The following FAS variants were observed in gnomAD, a reference collection of about 807,000 sequenced individuals.
The protein encoded by FAS is tumor necrosis factor receptor superfamily member 6.
Under a neutral mutation model 33.2 loss-of-function variants are expected in FAS, and 5 were observed. The observed-to-expected ratio is 0.15, with a 90% CI of 0.08 to 0.32. FAS has a LOEUF of 0.32. Ranked by LOEUF, FAS falls within the 10% of genes least tolerant of loss-of-function variation. The pLI is 1.00. For synonymous variants in FAS, 131 were observed against 130.7 expected, an observed-to-expected ratio of 1.00 and a Z score of -0.01; for missense variants, 339 against 386.0, an observed-to-expected ratio of 0.88 and a Z score of 1.02.
chr10:89,010,679 T>C (rs1564695172), intron 5 of FAS, 74 bp from the exon 6 acceptor site: 1 of 1,606,668 alleles, frequency 6.2e-7, no homozygotes, highest in Non-Finnish European at 8.5e-7. Flanking sequence ...TCACTCTTGA[T>C]TACTAGAAAG....
chr10:88,973,153 A>G, intron 1 of FAS: 1 of 1,586,498 alleles, frequency 6.3e-7, no homozygotes, highest in Non-Finnish European at 8.6e-7. Context: ...CAATCCTCTC[A>G]CCTTCCCTTT....
chr10:89,009,116 A>G, intron 4 of FAS, 119 bp downstream of exon 4: 2 of 954,554 alleles, frequency 2.1e-6, no homozygotes, highest in East Asian at 2.4e-5. Context: ...CTTTGCCTCC[A>G]AGCAACTAGA....
At chr10:88,980,539 G>C (rs1053027056) in intron 2 of FAS, among the ~76,000 whole-genome samples, 1 of 147,278 alleles carries the variant, frequency 6.8e-6, no homozygotes, top group Non-Finnish European at 1.5e-5. Context: ...TAGAGTCCAG[G>C]AAGGCAAGGA....
At chr10:89,004,640 G>A (rs888934749) in intron 2 of FAS, among the ~76,000 whole-genome samples, 3 of 151,614 alleles carry the variant, frequency 2.0e-5, no homozygotes, top group South Asian at 2.1e-4. Flanking sequence ...ATATGATGTA[G>A]GATTCCTTAG....
upstream of FAS, among the ~76,000 whole-genome samples, chr10:88,983,913 A>G (rs1012692489): frequency 6.6e-6 from 1 of 152,186 alleles, no homozygotes; most frequent in Non-Finnish European, 1.5e-5. Context: ...TAAAGGCCTC[A>G]ATTTCTCCCT....
chr10:88,999,717 T>C (rs574144083), intron 1 of FAS, among the ~76,000 whole-genome samples: 2 of 152,328 alleles, frequency 1.3e-5, no homozygotes, highest in South Asian at 4.1e-4. Context: ...ACATATCTGT[T>C]TATTCCTAGT....
chr10:89,015,215 T>C lies in FAS; in HGVS notation c.*765T>C, dbSNP rs9658776. 27,857 of 534,864 alleles carry C rather than the reference T, an allele frequency of 0.052. 1,316 individuals carry two copies. The highest frequency in any genetic ancestry group is 0.17 in the Admixed American group (7,741 of 45,060). 33.1% of individuals were successfully genotyped at this position (534,864 alleles called of 1,614,324 possible). A position where few individuals can be genotyped will look rare whatever the true frequency, so the allele number is the denominator to read the frequency against. The stretch of plus-strand genomic sequence containing the variant: ...GCTTTGCCACCTCTCCATTTTTGCC[T>C]TGGTGCTCATCTTAATGGCCTAATG... On this transcript the variant is annotated 3_prime_UTR_variant, in exon 9 of 9. Coordinates refer to ENST00000652046, the MANE Select transcript of FAS (RefSeq NM_000043.6).
intron 1 of FAS, among the ~76,000 whole-genome samples, chr10:89,000,682 A>T (rs1847870098): frequency 6.6e-6 from 1 of 151,932 alleles, no homozygotes; most frequent in Non-Finnish European, 1.5e-5. Context: ...TCAATAGGGC[A>T]TTTTTTTCTG....
chr10:88,994,980 AAT>A (rs1847498427), intron 1 of FAS, among the ~76,000 whole-genome samples: 1 of 151,828 alleles, frequency 6.6e-6, no homozygotes, highest in Admixed American at 6.6e-5. Flanking sequence ...AAAATAATAA[AAT>A]AATTCAAAAC....
chr10:88,979,571 G>A (rs962505330), intron 2 of FAS, among the ~76,000 whole-genome samples: 1 of 151,928 alleles, frequency 6.6e-6, no homozygotes, highest in African/African-American at 2.4e-5. Context: ...CACTAGGGCT[G>A]TTCTCTCTCA....
chr10:88,990,229 T>C (rs1425937541), upstream of FAS, among the ~76,000 whole-genome samples: 1 of 152,226 alleles, frequency 6.6e-6, no homozygotes, highest in African/African-American at 2.4e-5. The surrounding 1 kb of genome is among the most constrained non-coding windows in gnomAD (Gnocchi z 4.9). Context: ...CCTCTCATGT[T>C]GCAGCCACAA....
chr10:88,976,935 T>G (rs1846578155), intron 2 of FAS, among the ~76,000 whole-genome samples: 1 of 152,224 alleles, frequency 6.6e-6, no homozygotes, highest in Non-Finnish European at 1.5e-5. Flanking sequence ...GATCCTTATA[T>G]CTGGTGAAGG....
chr10:88,971,088 T>TA (rs1846435696), intron 1 of FAS, among the ~76,000 whole-genome samples: 1 of 152,226 alleles, frequency 6.6e-6, no homozygotes, highest in Non-Finnish European at 1.5e-5. Context: ...TTTTCCCGAA[T>TA]AATGGCGTCT....
intron 6 of FAS, among the ~76,000 whole-genome samples, chr10:89,011,554 T>C (rs1848529204): frequency 6.6e-6 from 1 of 152,248 alleles, no homozygotes; most frequent in Non-Finnish European, 1.5e-5. Context: ...ATACAGATTC[T>C]TCTATCTCAC....
chr10:88,996,418 T>G (rs771016737), intron 1 of FAS, among the ~76,000 whole-genome samples: 139 of 151,986 alleles, frequency 9.1e-4, no homozygotes, highest in Non-Finnish European at 1.6e-3. Context: ...GAGAGTAGAA[T>G]AGTGGTTACC....
At chr10:89,005,554 C>CATGT (rs1426137089) in intron 2 of FAS, among the ~76,000 whole-genome samples, 1 of 151,868 alleles carries the variant, frequency 6.6e-6, no homozygotes, top group African/African-American at 2.4e-5. Context: ...CATGCATATA[C>CATGT]ATGTATGTAT....
chr10:89,004,786 C>G (rs1221759469), intron 2 of FAS, among the ~76,000 whole-genome samples: 1 of 152,084 alleles, frequency 6.6e-6, no homozygotes, highest in Non-Finnish European at 1.5e-5. Flanking sequence ...AACTGATTCT[C>G]CCTGATCCGT....
At chr10:89,006,041 A>G (rs1037828817) in intron 2 of FAS, among the ~76,000 whole-genome samples, 11 of 152,272 alleles carry the variant, frequency 7.2e-5, no homozygotes, top group African/African-American at 2.7e-4. Context: ...CTGATTTTCA[A>G]TAAAACAACT....
In FAS at chr10:89,011,032, T is replaced by C. The variant is rs531063697; in HGVS notation, c.568+217T>C. 2.6e-4 allele frequency: 156 copies of C among 608,254 alleles called. No individual in the cohort carries two copies. In the South Asian group the frequency reaches 2.9e-3, roughly 11 times the overall value. The allele number at this position is 608,254 out of a possible 1,614,324, so 37.7% of individuals were successfully genotyped here. ...GCAACAGTTTTGGGGCATTGAGTGGTATTCTCATCCTTCCTATGAACAGGT... is the reference window on the plus strand; with the variant it reads ...GCAACAGTTTTGGGGCATTGAGTGGCATTCTCATCCTTCCTATGAACAGGT... On this transcript the variant is annotated intron_variant, in intron 6 of 8. Transcript: ENST00000652046.
Sources: allele counts gnomAD v4.1 joint callset (sites outside exome capture counted in the v4.1 genomes callset), GRCh38; gene constraint gnomAD v4.1.1; non-coding constraint Gnocchi (gnomAD v3.1); transcripts MANE v1.5; gene names NCBI Gene and HGNC (gene_info 2026-07-23, HGNC 2026-07-21).